The following CHKA variants were observed in gnomAD, a reference collection of about 807,000 sequenced individuals.
CHKA encodes the protein CHETK-alpha.
Under a neutral mutation model 60.1 loss-of-function variants are expected in CHKA, and 34 were observed. The observed-to-expected ratio is 0.57, with a 90% CI of 0.43 to 0.75. The LOEUF is 0.75. Ranked by LOEUF, CHKA falls within the 30% of genes least tolerant of loss-of-function variation. CHKA has a pLI of 0.00. For missense variants in CHKA, 563 were observed against 561.3 expected (o/e 1.00, Z -0.03); for synonymous variants, 217 against 223.1 (o/e 0.97, Z 0.24).
chr11:68,120,628 G>A (rs896171253), intron 1 of CHKA, among the ~76,000 whole-genome samples, 200 bp downstream of exon 1: 6 of 152,154 alleles, frequency 3.9e-5, no homozygotes, highest in Non-Finnish European at 7.4e-5. Context: ...CGGCGGCCGC[G>A]AACCCGCTTC....
chr11:68,058,270 C>CTTCT (rs936910775), intron 11 of CHKA, among the ~76,000 whole-genome samples: 5 of 152,300 alleles, frequency 3.3e-5, no homozygotes, highest in African/African-American at 1.2e-4. Context: ...TAGTAGAAGT[C>CTTCT]TTCTTTGTTC....
chr11:68,119,944 A>T (rs1238455832), intron 1 of CHKA, among the ~76,000 whole-genome samples: 1 of 152,140 alleles, frequency 6.6e-6, no homozygotes. Context: ...AAAAGGAAAA[A>T]ATGGCCGAGC....
chr11:68,112,669 T>G (rs897557429), intron 1 of CHKA, among the ~76,000 whole-genome samples: 1 of 152,118 alleles, frequency 6.6e-6, no homozygotes, highest in African/African-American at 2.4e-5. Context: ...GTCAAGAGAA[T>G]GAAAAGTCAC....
At chr11:68,069,269 A>G (rs1467438274) in intron 6 of CHKA, among the ~76,000 whole-genome samples, 1 of 152,154 alleles carries the variant, frequency 6.6e-6, no homozygotes, top group Non-Finnish European at 1.5e-5. Context: ...CTAAGGGCCT[A>G]CTTTGATCTG....
intron 2 of CHKA, chr11:68,081,958 A>G (rs1857002323): frequency 6.5e-6 from 1 of 152,734 alleles, no homozygotes; most frequent in Admixed American, 6.5e-5. Context: ...AAATCTGTGC[A>G]GACATGCCCT....
At chr11:68,108,648 G>C (rs1858011713) in intron 1 of CHKA, among the ~76,000 whole-genome samples, 1 of 152,140 alleles carries the variant, frequency 6.6e-6, no homozygotes, top group Admixed American at 6.6e-5. Context: ...GGAGGCTGAG[G>C]CAAGAGAATG....
intron 1 of CHKA, among the ~76,000 whole-genome samples, chr11:68,107,289 T>C (rs888924926): frequency 6.6e-5 from 10 of 152,088 alleles, no homozygotes; most frequent in African/African-American, 1.9e-4. Context: ...AATGGCGAGA[T>C]GCGGGTACAA....
rs561803980 is a variant in CHKA, at chr11:68,067,559, C to A, written c.929-1043G>T. Among the ~76,000 whole-genome samples, 16 of 152,250 alleles carry A rather than the reference C, an allele frequency of 1.1e-4. No individual in the cohort carries two copies. The South Asian group carries it at 3.3e-3, about 32-fold the overall frequency. ...ACGTGGAGCCTAGACTGCACTACTG[C>A]ACACCAGCCTGGGTGACACAGTAAC... On this transcript the variant is annotated intron_variant, in intron 7 of 11. Transcript: ENST00000265689.
Position 68,064,644 on chromosome 11 carries a change from T to G in CHKA, c.1126-13A>C, listed in dbSNP as rs1747215737. The G allele has an allele frequency of 6.8e-7, 1 of 1,466,920 alleles. No individual in the cohort carries two copies. The highest frequency in any genetic ancestry group is 2.3e-5 in the East Asian group (1 of 43,344). The allele number at this position is 1,466,920 out of a possible 1,614,324, so 90.9% of individuals were successfully genotyped here. A position where few individuals can be genotyped will look rare whatever the true frequency, so the allele number is the denominator to read the frequency against. ...AAATAAAATGGAGCTTAAAAAAAAG[T>G]AATTGTGTTAGGATCAATGATGGTT... On this transcript the variant is annotated splice_polypyrimidine_tract_variant and intron_variant, in intron 9 of 11. Coordinates refer to ENST00000265689, the MANE Select transcript of CHKA (RefSeq NM_001277.3).
intron 2 of CHKA, among the ~76,000 whole-genome samples, chr11:68,086,529 G>A (rs2134618883): frequency 6.6e-6 from 1 of 152,266 alleles, no homozygotes; most frequent in South Asian, 2.1e-4. Flanking sequence ...CTTAATGAAA[G>A]ACTTCTCTAA....
At chr11:68,070,459 G>A (rs1414534607) in intron 5 of CHKA, among the ~76,000 whole-genome samples, 166 bp from the exon 6 acceptor site, 1 of 152,200 alleles carries the variant, frequency 6.6e-6, no homozygotes, top group African/African-American at 2.4e-5. Context: ...GGCCTTGGGG[G>A]TTCGTGGCAT....
intron 9 of CHKA, 26 bp downstream of exon 9, chr11:68,065,760 C>T (rs1856421187): frequency 2.1e-6 from 3 of 1,413,564 alleles, no homozygotes; most frequent in East Asian, 4.6e-5. Context: ...ATTTTCCTAT[C>T]AAGTATACAA....
intron 2 of CHKA, among the ~76,000 whole-genome samples, chr11:68,093,834 T>A (rs758240805): frequency 1.4e-4 from 21 of 152,264 alleles, no homozygotes; most frequent in Non-Finnish European, 2.8e-4. Flanking sequence ...TACATGTGAC[T>A]ATTTTAATTT....
chr11:68,117,323 C>T (rs1171510629), intron 1 of CHKA, among the ~76,000 whole-genome samples: 1 of 152,180 alleles, frequency 6.6e-6, no homozygotes, highest in Non-Finnish European at 1.5e-5. Flanking sequence ...GTGTAACTAG[C>T]TCAATGTTAG....
intron 11 of CHKA, among the ~76,000 whole-genome samples, chr11:68,059,934 C>T (rs1181212414): frequency 6.6e-6 from 1 of 152,068 alleles, no homozygotes; most frequent in African/African-American, 2.4e-5. Flanking sequence ...CCTCCTTCTG[C>T]GTGTGTTCCT....
intron 1 of CHKA, among the ~76,000 whole-genome samples, chr11:68,105,085 C>T (rs1258763148): frequency 6.6e-6 from 1 of 151,308 alleles, no homozygotes; most frequent in Non-Finnish European, 1.5e-5. Context: ...GCCTCGGCAA[C>T]AGAGTGAAAC....
intron 1 of CHKA, among the ~76,000 whole-genome samples, chr11:68,113,150 T>C (rs1183188939): frequency 1.1e-5 from 1 of 95,226 alleles, no homozygotes; most frequent in African/African-American, 4.1e-5. Context: ...TAAATTAAAA[T>C]TTTAAAATGG....
chr11:68,066,610 G>A, intron 7 of CHKA, 94 bp from the exon 8 acceptor site: 1 of 975,808 alleles, frequency 1.0e-6, no homozygotes, highest in Non-Finnish European at 1.6e-6. Context: ...GATCCCTTAG[G>A]GAATCCTAAC....
At chr11:68,113,867 T>C (rs1032727642) in intron 1 of CHKA, among the ~76,000 whole-genome samples, 1 of 151,670 alleles carries the variant, frequency 6.6e-6, no homozygotes, top group East Asian at 1.9e-4. Flanking sequence ...GGCAGGTGCC[T>C]GTAATCTCAA....
Sources: gnomAD v4.1 joint callset for allele counts (sites outside exome capture counted in the v4.1 genomes callset) on GRCh38, gnomAD v4.1.1 for gene constraint, MANE v1.5 for transcripts, NCBI Gene and HGNC (gene_info 2026-07-23, HGNC 2026-07-21) for gene names.